Variants in REEP3 observed in about 807,000 individuals in gnomAD.
REEP3 encodes receptor accessory protein 3, also known as receptor expression-enhancing protein 3.
REEP3 carries 20 observed loss-of-function variants against 41.3 expected under a neutral mutation model. The ratio of observed to expected loss-of-function variants is 0.48; its 90% CI spans 0.34 to 0.70. REEP3 has a LOEUF of 0.70. REEP3 is among the 30% of genes least tolerant of loss of function. The probability of loss-of-function intolerance (pLI) is 0.01; values close to 1 mark genes in which losing one functional copy is unlikely to be tolerated. For synonymous variants in REEP3, 104 were observed against 101.8 expected (o/e 1.02, Z -0.13); for missense variants, 271 against 308.8 (o/e 0.88, Z 0.92).
At chr10:63,606,175 G>GGATTACCATTCACAAGAT in intron 5 of REEP3, 1 of 762,400 alleles carries the variant, frequency 1.3e-6, no homozygotes, top group Non-Finnish European at 1.6e-6. Flanking sequence ...CTGAAATATG[G>GGATTACCATTCACAAGAT]AATTATCTTG....
At chr10:63,522,118 G>C (rs1838695436) in intron 1 of REEP3, among the ~76,000 whole-genome samples, 1 of 152,094 alleles carries the variant, frequency 6.6e-6, no homozygotes, top group Non-Finnish European at 1.5e-5. Flanking sequence ...ATTCGGTCAC[G>C]TGTGGTAGGA....
At chr10:63,616,729 C>A (rs965801125) in intron 6 of REEP3, among the ~76,000 whole-genome samples, 1 of 152,074 alleles carries the variant, frequency 6.6e-6, no homozygotes, top group Non-Finnish European at 1.5e-5. Context: ...TCCTTTCTGA[C>A]TTTTTCCTTG....
At chr10:63,606,790 C>T (rs911718408) in intron 5 of REEP3, among the ~76,000 whole-genome samples, 5 of 151,976 alleles carry the variant, frequency 3.3e-5, no homozygotes, top group Admixed American at 1.3e-4. Context: ...TATAGTATGC[C>T]ACATATTGAC....
chr10:63,556,614 GTTTTTTTTTTTGTTGTTTTGTTT>G (rs1427099799), intron 1 of REEP3, among the ~76,000 whole-genome samples: 821 of 12,830 alleles, frequency 0.064, 62 homozygotes, highest in Middle Eastern at 0.33. Context: ...CTGTTTGCTT[GTTTTTTTTTTTGTTGTTTTGTTT>G]TTTTTTTTTT....
intron 2 of REEP3, among the ~76,000 whole-genome samples, chr10:63,575,244 G>A (rs1241576417): frequency 6.6e-6 from 1 of 152,154 alleles, no homozygotes; most frequent in Non-Finnish European, 1.5e-5. Context: ...AACTTCTGGT[G>A]TTGCTGTTGA....
chr10:63,604,249 G>C (rs747396074), intron 5 of REEP3, among the ~76,000 whole-genome samples: 3 of 152,178 alleles, frequency 2.0e-5, no homozygotes, highest in Non-Finnish European at 2.9e-5. Context: ...TGTTCGCAAG[G>C]TCACTGTACA....
intron 5 of REEP3, among the ~76,000 whole-genome samples, chr10:63,606,569 T>C (rs561504041): frequency 6.6e-6 from 1 of 152,210 alleles, no homozygotes; most frequent in Admixed American, 6.5e-5. Context: ...ATTTTTCTTA[T>C]ACTTTTGTCT....
At chr10:63,608,163 T>C (rs1956245798) in intron 5 of REEP3, among the ~76,000 whole-genome samples, 1 of 152,218 alleles carries the variant, frequency 6.6e-6, no homozygotes, top group Admixed American at 6.5e-5. Context: ...CCTCGTAGTA[T>C]GTCTCTGGAG....
intron 1 of REEP3, among the ~76,000 whole-genome samples, chr10:63,558,827 G>A (rs1367987442): frequency 6.6e-6 from 1 of 152,186 alleles, no homozygotes; most frequent in Non-Finnish European, 1.5e-5. Context: ...GTGTGTGTGT[G>A]TGTGAATTGT....
At chr10:63,561,499 A>G (rs1955738979) in intron 1 of REEP3, among the ~76,000 whole-genome samples, 1 of 152,252 alleles carries the variant, frequency 6.6e-6, no homozygotes, top group Non-Finnish European at 1.5e-5. Flanking sequence ...CCATGTTGGA[A>G]CAGATGGTTT....
chr10:63,596,000 T>G (rs537437197), intron 3 of REEP3, among the ~76,000 whole-genome samples: 1 of 152,348 alleles, frequency 6.6e-6, no homozygotes, highest in African/African-American at 2.4e-5. Context: ...CAGTGTCTAC[T>G]TACATTTTGT....
chr10:63,566,504 G>A, intron 2 of REEP3, 94 bp downstream of exon 2: 1 of 716,000 alleles, frequency 1.4e-6, no homozygotes, highest in South Asian at 1.8e-5. Flanking sequence ...CTGGAGTAGT[G>A]TTTTGGGTTA....
At chr10:63,560,330 C>T (rs768446458) in intron 1 of REEP3, among the ~76,000 whole-genome samples, 1 of 151,994 alleles carries the variant, frequency 6.6e-6, no homozygotes, top group Non-Finnish European at 1.5e-5. Context: ...TGTTATTAAA[C>T]CATTATTTAT....
intron 2 of REEP3, among the ~76,000 whole-genome samples, chr10:63,578,395 C>A (rs1955916707): frequency 6.6e-6 from 1 of 152,080 alleles, no homozygotes; most frequent in African/African-American, 2.4e-5. Flanking sequence ...ACAGCGCCCA[C>A]CCGATTTACT....
At chr10:63,556,385 G>T (rs1004225793) in intron 1 of REEP3, among the ~76,000 whole-genome samples, 1 of 151,652 alleles carries the variant, frequency 6.6e-6, no homozygotes, top group African/African-American at 2.4e-5. Flanking sequence ...GCCTCCCAAA[G>T]TGCTGGGATT....
intron 2 of REEP3, among the ~76,000 whole-genome samples, chr10:63,583,723 A>G (rs1955977250): frequency 6.6e-6 from 1 of 152,192 alleles, no homozygotes; most frequent in Non-Finnish European, 1.5e-5. Flanking sequence ...CTTTTTTCCC[A>G]TGCTAAAATC....
intron 1 of REEP3, among the ~76,000 whole-genome samples, chr10:63,561,578 A>G (rs10740135): frequency 0.98 from 150,054 of 152,342 alleles, 73,937 homozygotes; most frequent in Middle Eastern, 1. Flanking sequence ...CAAGGGGTGA[A>G]GAGGCCCGCT....
chr10:63,604,512 T>C (rs1355964623), intron 5 of REEP3, among the ~76,000 whole-genome samples: 4 of 152,204 alleles, frequency 2.6e-5, no homozygotes, highest in Non-Finnish European at 5.9e-5. Context: ...CCACAGACTT[T>C]TGAGCTTTAC....
chr10:63,608,317 G>A (rs899948107), intron 5 of REEP3, among the ~76,000 whole-genome samples: 3 of 152,096 alleles, frequency 2.0e-5, no homozygotes, highest in East Asian at 1.9e-4. Flanking sequence ...TAATGATTTC[G>A]TATCACAATT....
Sources: gnomAD v4.1 joint callset for allele counts (sites outside exome capture counted in the v4.1 genomes callset) on GRCh38, gnomAD v4.1.1 for gene constraint, MANE v1.5 for transcripts, NCBI Gene and HGNC (gene_info 2026-07-23, HGNC 2026-07-21) for gene names.